IFT81: variants seen among roughly 807,000 people sequenced by gnomAD.
IFT81 encodes intraflagellar transport 81, also known as intraflagellar transport protein 81 homolog.
Under a neutral mutation model 102.6 loss-of-function variants are expected in IFT81, and 72 were observed. The observed-to-expected ratio is 0.70, with a 90% confidence interval of 0.58 to 0.85. The LOEUF is 0.85. Ranked by LOEUF, IFT81 falls within the 40% of genes least tolerant of loss-of-function variation. IFT81 has a pLI of 0.00. For synonymous variants in IFT81, 237 were observed against 242.7 expected (o/e 0.98, Z 0.22); for missense variants, 723 against 787.3 (o/e 0.92, Z 0.98).
chr12:110,216,597 G>A (rs1449147927), intron 18 of IFT81: 1 of 451,324 alleles, frequency 2.2e-6, no homozygotes, highest in African/African-American at 2.0e-5. Flanking sequence ...GGCTCACTCT[G>A]CCTTCCAGGT....
At position 110,190,834 on chromosome 12, in the gene IFT81, T is replaced by C. The variant is rs532251937; in HGVS notation, c.1339-86T>C. 92 of 1,214,072 alleles carry C rather than the reference T, an allele frequency of 7.6e-5. No individual in the cohort carries two copies. The African/African-American group carries it at 1.4e-3, about 19-fold the overall frequency. 75.2% of individuals were successfully genotyped at this position (1,214,072 alleles called of 1,614,324 possible). On this transcript the variant is annotated intron_variant, in intron 12 of 18. Transcript: ENST00000242591. Reference sequence around the variant, plus strand: ...AACTAATTAATTCTATTTACAATTTTTTGTTATGTATGAAATTTGTACATT... The same window carrying C: ...AACTAATTAATTCTATTTACAATTTCTTGTTATGTATGAAATTTGTACATT...
chr12:110,156,088 C>T (rs1215085884), intron 10 of IFT81, among the ~76,000 whole-genome samples: 1 of 152,096 alleles, frequency 6.6e-6, no homozygotes, highest in Non-Finnish European at 1.5e-5. Context: ...ACATTGTATG[C>T]CCAAAACATA....
chr12:110,133,484 C>T (rs1894299432), intron 5 of IFT81, among the ~76,000 whole-genome samples: 1 of 150,252 alleles, frequency 6.7e-6, no homozygotes, highest in Non-Finnish European at 1.5e-5. Context: ...ACAAATTAGC[C>T]AGGCATGGTG....
intron 4 of IFT81, among the ~76,000 whole-genome samples, chr12:110,129,477 T>A (rs1330019499): frequency 6.6e-6 from 1 of 152,144 alleles, no homozygotes; most frequent in East Asian, 1.9e-4. Flanking sequence ...TATCCAAATT[T>A]GAGAGAAACA....
chr12:110,158,276 C>T (rs1371079817), intron 10 of IFT81, among the ~76,000 whole-genome samples: 2 of 152,042 alleles, frequency 1.3e-5, no homozygotes, highest in African/African-American at 4.8e-5. Context: ...AGACAGGTTT[C>T]ACCATGTTGG....
intron 11 of IFT81, among the ~76,000 whole-genome samples, chr12:110,173,231 C>T (rs1896858764): frequency 6.8e-6 from 1 of 148,032 alleles, no homozygotes; most frequent in African/African-American, 2.5e-5. Context: ...CAGCCCCCCA[C>T]CCGGCCAGCC....
intron 13 of IFT81, 94 bp downstream of exon 13, chr12:110,191,142 A>G (rs1276026435): frequency 9.2e-7 from 1 of 1,085,814 alleles, no homozygotes; most frequent in Non-Finnish European, 1.3e-6. Flanking sequence ...TTCACCTGTT[A>G]ATTTCTGCAC....
At chr12:110,214,177 C>G (rs1470204604) in intron 18 of IFT81, among the ~76,000 whole-genome samples, 1 of 151,490 alleles carries the variant, frequency 6.6e-6, no homozygotes, top group Non-Finnish European at 1.5e-5. Context: ...TATTTGAAAG[C>G]ACATATTTGA....
chr12:110,126,885 G>A (rs553509134), intron 1 of IFT81, among the ~76,000 whole-genome samples: 6 of 152,254 alleles, frequency 3.9e-5, no homozygotes, highest in Non-Finnish European at 7.4e-5. Flanking sequence ...CACAAATGTG[G>A]GCCCACGGTT....
In IFT81 at chr12:110,162,912, C is replaced by A; in HGVS notation, c.1042-7C>A. 6.2e-7 allele frequency: 1 copy of A among 1,600,424 alleles called. No individual in the cohort carries two copies. The highest frequency in any genetic ancestry group is 1.1e-5 in the South Asian group (1 of 88,668). ...TTATTATACCTTCATATTTAATGCT[C>A]AATCAGGCATCTATCATTTCCCGTA... On this transcript the variant is annotated splice_polypyrimidine_tract_variant and splice_region_variant and intron_variant, in intron 10 of 18. Coordinates refer to ENST00000242591, the MANE Select transcript of IFT81 (RefSeq NM_014055.4).
At chr12:110,151,138 C>A (rs1396313926) in intron 10 of IFT81, among the ~76,000 whole-genome samples, 2 of 152,062 alleles carry the variant, frequency 1.3e-5, no homozygotes, top group Admixed American at 6.6e-5. Flanking sequence ...AATTTTATCA[C>A]CCCTAAAAGA....
intron 17 of IFT81, among the ~76,000 whole-genome samples, chr12:110,206,535 C>T (rs1868647748): frequency 6.6e-6 from 1 of 152,040 alleles, no homozygotes; most frequent in Admixed American, 6.6e-5. Flanking sequence ...AGAGGCCGGG[C>T]ATGGTGGTGG....
chr12:110,191,322 C>G (rs1193557470), intron 13 of IFT81, among the ~76,000 whole-genome samples: 3 of 152,050 alleles, frequency 2.0e-5, no homozygotes, highest in Non-Finnish European at 4.4e-5. Context: ...AGGTGTGTGC[C>G]ACCATGCCCG....
rs779990866 is a variant in IFT81, at chr12:110,190,932, G to A, written c.1351G>A (p.Glu451Lys). 6.4e-7 allele frequency: 1 copy of A among 1,556,134 alleles called. No individual in the cohort carries two copies. Among genetic ancestry groups the A allele is most frequent in the East Asian group, 2.4e-5 (1 of 42,232 alleles). Reference protein sequence around the residue: ...NIQQQLQTMEEKKGISGYSYT... With the variant: ...NIQQQLQTMEKKKGISGYSYT... ...TTTTTACTTATAGCAAACTATGGAGGAGAAAAAGGGTATATCTGGATATAG... is the reference window on the plus strand; with the variant it reads ...TTTTTACTTATAGCAAACTATGGAGAAGAAAAAGGGTATATCTGGATATAG... The change falls in exon 13 of 19, where the codon GAG (glutamate) becomes AAG (lysine). Residue 451 changes from glutamate to lysine, a missense_variant. Physicochemically the swap from Glu to Lys is moderately conservative, Grantham distance 56 (BLOSUM62 1). Transcript: ENST00000242591.
chr12:110,198,049 T>C (rs1898093979), intron 14 of IFT81, among the ~76,000 whole-genome samples: 1 of 152,220 alleles, frequency 6.6e-6, no homozygotes, highest in Non-Finnish European at 1.5e-5. Flanking sequence ...AAGTAGTTGT[T>C]ATGGTGGTTG....
chr12:110,125,749 T>A (rs1354087730), intron 1 of IFT81, among the ~76,000 whole-genome samples: 1 of 152,242 alleles, frequency 6.6e-6, no homozygotes, highest in Non-Finnish European at 1.5e-5. Context: ...TAGGTAAAGC[T>A]GTTTCAGCAG....
intron 11 of IFT81, among the ~76,000 whole-genome samples, chr12:110,166,523 T>C (rs1478398707): frequency 6.6e-6 from 1 of 152,010 alleles, no homozygotes; most frequent in Non-Finnish European, 1.5e-5. Flanking sequence ...GTAAAAGTGG[T>C]AAATTTTATG....
At chr12:110,180,708 C>T in intron 12 of IFT81, 137 bp downstream of exon 12, 1 of 544,100 alleles carries the variant, frequency 1.8e-6, no homozygotes, top group Non-Finnish European at 3.0e-6. Context: ...ACAGACATGA[C>T]ATATAAGTTG....
chr12:110,142,725 A>G (rs1356215609), intron 8 of IFT81, among the ~76,000 whole-genome samples: 1 of 151,730 alleles, frequency 6.6e-6, no homozygotes, highest in Non-Finnish European at 1.5e-5. Context: ...CCTCGTCTCT[A>G]CAAAAAAAAA....
Sources: allele counts gnomAD v4.1 joint callset (sites outside exome capture counted in the v4.1 genomes callset), GRCh38; gene constraint gnomAD v4.1.1; transcripts MANE v1.5; gene names NCBI Gene and HGNC (gene_info 2026-07-23, HGNC 2026-07-21).